The following EVL variants were observed in gnomAD, a reference collection of about 807,000 sequenced individuals.
EVL encodes ena/VASP-like protein.
Under a neutral mutation model 59.6 loss-of-function variants are expected in EVL, and 21 were observed. The observed-to-expected ratio is 0.35, with a 90% CI of 0.25 to 0.51. EVL has a LOEUF of 0.51. EVL is among the 20% of genes least tolerant of loss of function. EVL has a pLI of 0.97. For synonymous variants in EVL, 198 were observed against 203.5 expected (o/e 0.97, Z 0.23); for missense variants, 462 against 546.6 (o/e 0.85, Z 1.54).
intron 3 of EVL, among the ~76,000 whole-genome samples, chr14:100,117,802 T>C (rs1887445022): frequency 6.6e-6 from 1 of 152,186 alleles, no homozygotes; most frequent in African/African-American, 2.4e-5. Flanking sequence ...CACTGATAGC[T>C]CGTGAGGCCC....
At chr14:100,003,409 TTTTTTA>T (rs1186285288) in intron 1 of EVL, among the ~76,000 whole-genome samples, 3 of 152,160 alleles carry the variant, frequency 2.0e-5, no homozygotes, top group East Asian at 3.8e-4. Context: ...AATTTTATTA[TTTTTTA>T]TTTTTATTTT....
chr14:100,106,625 G>T, intron 3 of EVL: 1 of 390,088 alleles, frequency 2.6e-6, no homozygotes, highest in Non-Finnish European at 4.5e-6. Flanking sequence ...TAGGTAGGTA[G>T]GTTATGTAAT....
At chr14:100,128,399 T>C (rs1158014770) in intron 5 of EVL, 120 bp from the exon 6 acceptor site, 3 of 999,058 alleles carry the variant, frequency 3.0e-6, no homozygotes, top group Admixed American at 1.7e-5. Flanking sequence ...TGGAGCTGTT[T>C]CTCATCCCTT....
intron 11 of EVL, chr14:100,140,962 G>A (rs979948093): frequency 7.3e-5 from 36 of 494,590 alleles, no homozygotes; most frequent in Non-Finnish European, 1.1e-4. Context: ...CTTGGCTCTC[G>A]GGTTGGGAAA....
intron 3 of EVL, among the ~76,000 whole-genome samples, chr14:100,099,488 G>A (rs1042540728): frequency 6.6e-6 from 1 of 152,158 alleles, no homozygotes; most frequent in Non-Finnish European, 1.5e-5. Context: ...GCAGGTACTG[G>A]CAGCTTTCCC....
chr14:100,061,403 C>CAA (rs56656380), upstream of EVL, among the ~76,000 whole-genome samples: 17 of 19,094 alleles, frequency 8.9e-4, no homozygotes, highest in East Asian at 5.1e-3. Flanking sequence ...GACCCTGTCT[C>CAA]AAAAAAAAAA....
chr14:100,129,441 C>G, intron 6 of EVL, 122 bp from the exon 7 acceptor site: 1 of 1,418,308 alleles, frequency 7.1e-7, no homozygotes, highest in Non-Finnish European at 9.7e-7. Flanking sequence ...CCCCTGAGGC[C>G]CCTTGCAGTG....
At chr14:100,093,145 T>C (rs1018032927) in intron 2 of EVL, among the ~76,000 whole-genome samples, 1 of 152,250 alleles carries the variant, frequency 6.6e-6, no homozygotes, top group Non-Finnish European at 1.5e-5. Flanking sequence ...TCAAGTGACA[T>C]TGGCCTTGTG....
intron 1 of EVL, among the ~76,000 whole-genome samples, chr14:100,016,511 G>C (rs1340099021): frequency 6.6e-6 from 1 of 152,202 alleles, no homozygotes; most frequent in African/African-American, 2.4e-5. Flanking sequence ...CTTGGCGATG[G>C]AGCAAGACTC....
intron 8 of EVL, among the ~76,000 whole-genome samples, chr14:100,134,274 G>A (rs1028338594): frequency 1.3e-5 from 2 of 152,134 alleles, no homozygotes; most frequent in African/African-American, 4.8e-5. Context: ...TGAAGACATC[G>A]CTGGCCTTTC....
At chr14:100,122,960 G>A (rs969063126) in intron 3 of EVL, among the ~76,000 whole-genome samples, 10 of 152,168 alleles carry the variant, frequency 6.6e-5, no homozygotes, top group African/African-American at 1.4e-4. Context: ...CTTCCCACCC[G>A]CAGCTCCAGA....
intron 1 of EVL, among the ~76,000 whole-genome samples, chr14:100,075,967 C>A (rs533241575): frequency 2.6e-5 from 4 of 152,300 alleles, no homozygotes; most frequent in African/African-American, 9.6e-5. Flanking sequence ...ATTGTAATCT[C>A]CTTCAGAGCT....
chr14:100,086,753 ACCT>A (rs1223793170), intron 2 of EVL, among the ~76,000 whole-genome samples: 2 of 152,090 alleles, frequency 1.3e-5, no homozygotes, highest in African/African-American at 4.8e-5. Flanking sequence ...TAACTTAGAG[ACCT>A]CCTAGAGTGT....
intron 1 of EVL, among the ~76,000 whole-genome samples, chr14:100,051,774 G>A (rs1227889295): frequency 6.6e-6 from 1 of 152,168 alleles, no homozygotes; most frequent in Non-Finnish European, 1.5e-5. Flanking sequence ...ATTGGCGAGG[G>A]AGCCAGTTCC....
At chr14:99,976,159 G>A (rs1021427610) in intron 1 of EVL, among the ~76,000 whole-genome samples, 2 of 151,814 alleles carry the variant, frequency 1.3e-5, no homozygotes, top group African/African-American at 4.8e-5. Context: ...GCAGCTACAG[G>A]CACACGCCCC....
chr14:99,992,188 TTTCTC>T (rs2060880010), intron 1 of EVL, among the ~76,000 whole-genome samples: 1 of 152,158 alleles, frequency 6.6e-6, no homozygotes, highest in South Asian at 2.1e-4. Context: ...TTGATTTGCT[TTTCTC>T]TTATAATTAC....
At position 100,126,521 on chromosome 14, in the gene EVL, C is replaced by G. The variant is rs371689947; in HGVS notation, c.423-186C>G. Among the ~76,000 whole-genome samples, 228 of 152,314 alleles carry G rather than the reference C, an allele frequency of 1.5e-3. 1 individual carries two copies. Among genetic ancestry groups the G allele is most frequent in the African/African-American group, 5.2e-3 (216 of 41,578 alleles). On this transcript the variant is annotated intron_variant, in intron 4 of 13. Transcript: ENST00000392920. ...AGGAGACAGCCGGTGCTCCCACTTGCGGGAGCTGGACCCAGTCACATCCCC... is the reference window on the plus strand; with the variant it reads ...AGGAGACAGCCGGTGCTCCCACTTGGGGGAGCTGGACCCAGTCACATCCCC...
chr14:100,034,929 G>A (rs1158768265), intron 1 of EVL, among the ~76,000 whole-genome samples: 4 of 152,146 alleles, frequency 2.6e-5, no homozygotes, highest in African/African-American at 9.7e-5. Flanking sequence ...AAAATGCTTA[G>A]TAAACAGTAA....
At chr14:100,061,859 T>G (rs945997074), upstream of EVL, among the ~76,000 whole-genome samples, 2 of 152,074 alleles carry the variant, frequency 1.3e-5, no homozygotes, top group African/African-American at 4.8e-5. Context: ...TGGAAATGGA[T>G]TATCTTAAAG....
Sources: gnomAD v4.1 joint callset for allele counts (sites outside exome capture counted in the v4.1 genomes callset) on GRCh38, gnomAD v4.1.1 for gene constraint, MANE v1.5 for transcripts, NCBI Gene and HGNC (gene_info 2026-07-23, HGNC 2026-07-21) for gene names.